ZDHHC17: variants seen among roughly 807,000 people sequenced by gnomAD.
ZDHHC17 encodes the protein palmitoyltransferase ZDHHC17.
ZDHHC17 carries 40 observed loss-of-function variants against 90.3 expected under a neutral mutation model. The observed-to-expected ratio is 0.44, with a 90% CI of 0.34 to 0.58. The LOEUF is 0.58. Among genes scored for constraint, ZDHHC17 ranks in the 20% least tolerant of loss-of-function variants. The pLI, the probability that ZDHHC17 is intolerant of heterozygous loss-of-function variation, is 0.01. For missense variants in ZDHHC17, 614 were observed against 780.8 expected, an observed-to-expected ratio of 0.79 and a Z score of 2.55; for synonymous variants, 235 against 252.4, an observed-to-expected ratio of 0.93 and a Z score of 0.65.
At chr12:76,805,464 T>G (rs2080413606) in intron 3 of ZDHHC17, 25 bp downstream of exon 3, 4 of 1,444,202 alleles carry the variant, frequency 2.8e-6, no homozygotes, top group Non-Finnish European at 3.7e-6. Context: ...TATTTTTAAT[T>G]ATTAGAACTT....
intron 7 of ZDHHC17, among the ~76,000 whole-genome samples, chr12:76,820,014 GAC>G (rs1380820796): frequency 7.6e-6 from 1 of 130,770 alleles, no homozygotes; most frequent in Non-Finnish European, 1.7e-5. Flanking sequence ...AAAAAAAAAA[GAC>G]AATTTATACT....
chr12:76,792,629 C>A (rs1396040058), intron 1 of ZDHHC17, among the ~76,000 whole-genome samples: 2 of 151,944 alleles, frequency 1.3e-5, no homozygotes, highest in African/African-American at 4.8e-5. Context: ...TCTCTCCTTC[C>A]AGTTCTCTTC....
At chr12:76,820,968 C>A in intron 7 of ZDHHC17, 2 of 760,456 alleles carry the variant, frequency 2.6e-6, no homozygotes, top group Non-Finnish European at 3.9e-6. Context: ...TTTATTTTAC[C>A]AGCTGAATAA....
At chr12:76,844,234 T>C (rs1005055270) in intron 12 of ZDHHC17, 2 of 152,172 alleles carry the variant, frequency 1.3e-5, no homozygotes, top group African/African-American at 2.4e-5. Context: ...AATTTTGTCA[T>C]CATAGCATAA....
At chr12:76,764,360 C>G (rs764260560) in intron 1 of ZDHHC17, 31 bp downstream of exon 1, 2 of 1,545,738 alleles carry the variant, frequency 1.3e-6, no homozygotes, top group Admixed American at 3.8e-5. Context: ...GATTCCTTGC[C>G]CTGCGGCCCT....
rs75325038 is a variant in ZDHHC17, at chr12:76,777,027, G to T, written c.93+12698G>T. Among the ~76,000 whole-genome samples, 245 of 152,272 alleles carry T rather than the reference G, an allele frequency of 1.6e-3. 8 individuals carry two copies. The East Asian group carries it at 0.044, about 27-fold the overall frequency. ...TGTATCCTTTACCTTGATTCTCCCAGTGGTAACACCTTGCAAAATTATAGG... is the reference window on the plus strand; with the variant it reads ...TGTATCCTTTACCTTGATTCTCCCATTGGTAACACCTTGCAAAATTATAGG... On this transcript the variant is annotated intron_variant, in intron 1 of 16. Transcript: ENST00000426126.
At chr12:76,813,372 T>A (rs1352763686) in intron 5 of ZDHHC17, 1 of 452,360 alleles carries the variant, frequency 2.2e-6, no homozygotes, top group East Asian at 7.1e-5. Context: ...CAGAAGATAT[T>A]CCTGACAACA....
intron 10 of ZDHHC17, among the ~76,000 whole-genome samples, chr12:76,832,389 A>G (rs1953314441): frequency 6.6e-6 from 1 of 152,220 alleles, no homozygotes; most frequent in Admixed American, 6.5e-5. Flanking sequence ...TTTGAAAACT[A>G]GAATTATAGT....
chr12:76,808,860 G>C (rs1330875663), intron 3 of ZDHHC17, among the ~76,000 whole-genome samples, 183 bp from the exon 4 acceptor site: 1 of 151,126 alleles, frequency 6.6e-6, no homozygotes, highest in Non-Finnish European at 1.5e-5. Context: ...TAGAACAAAA[G>C]AGGTATTTGA....
intron 5 of ZDHHC17, among the ~76,000 whole-genome samples, chr12:76,810,942 C>T (rs1161082837): frequency 6.6e-6 from 1 of 152,132 alleles, no homozygotes; most frequent in African/African-American, 2.4e-5. Context: ...GCTGGGGCAG[C>T]GAGGCCTCTT....
intron 7 of ZDHHC17, among the ~76,000 whole-genome samples, chr12:76,817,748 A>C (rs1008020719): frequency 6.6e-6 from 1 of 152,080 alleles, no homozygotes; most frequent in African/African-American, 2.4e-5. Context: ...ACTCTTAGTA[A>C]AAGGAATAAT....
At chr12:76,770,625 A>G (rs1271681676) in intron 1 of ZDHHC17, among the ~76,000 whole-genome samples, 1 of 152,106 alleles carries the variant, frequency 6.6e-6, no homozygotes, top group Non-Finnish European at 1.5e-5. Flanking sequence ...TCAGCATTGA[A>G]CAGTTAAGGT....
At position 76,851,180 on chromosome 12, in the gene ZDHHC17, G is replaced by A. The variant is rs886245035; in HGVS notation, c.*195G>A. 4 of 569,272 alleles carry A rather than the reference G, an allele frequency of 7.0e-6. No individual in the cohort carries two copies. Among genetic ancestry groups the A allele is most frequent in the African/African-American group, 5.9e-5 (3 of 50,624 alleles). The allele number at this position is 569,272 out of a possible 1,614,324, so 35.3% of individuals were successfully genotyped here. ...TGGACAGAACACACTGCCATTTCTG[G>A]GAAGAGTAAAGATGATAAAAAATAA... On this transcript the variant is annotated 3_prime_UTR_variant, in exon 17 of 17. Transcript: ENST00000426126.
intron 7 of ZDHHC17, chr12:76,821,313 C>G (rs1953160441): frequency 4.6e-6 from 1 of 218,900 alleles, no homozygotes; most frequent in Non-Finnish European, 8.6e-6. Context: ...TACCATTGAT[C>G]TTTATATTAA....
chr12:76,827,948 G>A (rs1381890366), intron 9 of ZDHHC17, among the ~76,000 whole-genome samples: 2 of 152,154 alleles, frequency 1.3e-5, no homozygotes, highest in Middle Eastern at 3.4e-3. Context: ...TACTTGAAAA[G>A]ATGTGCTCCA....
At chr12:76,842,249 G>C (rs1430523290) in intron 11 of ZDHHC17, 143 bp downstream of exon 11, 1 of 915,796 alleles carries the variant, frequency 1.1e-6, no homozygotes, top group African/African-American at 1.7e-5. Context: ...TCTTTTATTT[G>C]GTGCTCATCC....
In ZDHHC17 at chr12:76,769,644, T is replaced by C. The variant is rs1026646089; in HGVS notation, c.93+5315T>C. On this transcript the variant is annotated intron_variant, in intron 1 of 16. Coordinates refer to ENST00000426126, the MANE Select transcript of ZDHHC17 (RefSeq NM_015336.4). Reference sequence around the variant, plus strand: ...ATAGGTCATATAATAATAATCTAGATTTTAAAATAATGTATATTTTAAAAT... The same window carrying C: ...ATAGGTCATATAATAATAATCTAGACTTTAAAATAATGTATATTTTAAAAT... Among the ~76,000 whole-genome samples, 126 of 152,226 alleles carry C rather than the reference T, an allele frequency of 8.3e-4. 1 individual carries two copies. Among genetic ancestry groups the C allele is most frequent in the African/African-American group, 2.8e-3 (118 of 41,554 alleles).
At chr12:76,810,892 G>A (rs959958927) in intron 5 of ZDHHC17, among the ~76,000 whole-genome samples, 2 of 152,120 alleles carry the variant, frequency 1.3e-5, no homozygotes, top group African/African-American at 4.8e-5. Flanking sequence ...CACATATCTT[G>A]TGACTTGATA....
Position 76,797,530 on chromosome 12 carries a change from G to GCTACA in ZDHHC17, c.192_196dup (p.Gln66LeufsTer40). On this transcript the variant is annotated frameshift_variant, in exon 2 of 17. Transcript: ENST00000426126. LOFTEE classifies it high-confidence loss of function. ...TTACAGCACATGGGACATAGTCAAG[G>GCTACA]CTACACAGTAAGGTTTTTGTTGTAG... 1 of 1,594,074 alleles carries GCTACA rather than the reference G, an allele frequency of 6.3e-7. No individual in the cohort carries two copies. Among genetic ancestry groups the GCTACA allele is most frequent in the Non-Finnish European group, 8.5e-7 (1 of 1,171,560 alleles).
Sources: gnomAD v4.1 joint callset for allele counts (sites outside exome capture counted in the v4.1 genomes callset) on GRCh38, gnomAD v4.1.1 for gene constraint, MANE v1.5 for transcripts, NCBI Gene and HGNC (gene_info 2026-07-23, HGNC 2026-07-21) for gene names.